Variants in GPATCH8 observed in about 807,000 individuals in gnomAD.
GPATCH8 encodes the protein G-patch domain containing 8.
Under a neutral mutation model 118.3 loss-of-function variants are expected in GPATCH8, and 18 were observed. That is an observed-to-expected ratio of 0.15 (90% confidence interval 0.11 to 0.23). GPATCH8 has a LOEUF of 0.23. Among genes scored for constraint, GPATCH8 ranks in the 10% least tolerant of loss-of-function variants. The probability of loss-of-function intolerance (pLI) is 1.00; values close to 1 mark genes in which losing one functional copy is unlikely to be tolerated. For missense variants in GPATCH8, 1,631 were observed against 1,873.8 expected, an observed-to-expected ratio of 0.87 and a Z score of 2.39; for synonymous variants, 659 against 684.7, an observed-to-expected ratio of 0.96 and a Z score of 0.59.
intron 2 of GPATCH8, chr17:44,464,814 TAAAAGGGGAAAGGG>T (rs1049113192): frequency 7.0e-6 from 3 of 431,550 alleles, no homozygotes; most frequent in African/African-American, 6.0e-5. Context: ...TTAAATGGAG[TAAAAGGGGAAAGGG>T]AAAAGGGGAA....
intron 1 of GPATCH8, among the ~76,000 whole-genome samples, chr17:44,493,552 T>G (rs898340938): frequency 6.6e-6 from 1 of 152,178 alleles, no homozygotes; most frequent in African/African-American, 2.4e-5. Context: ...TACATATACC[T>G]TGAAGAGAGG....
intron 5 of GPATCH8, among the ~76,000 whole-genome samples, chr17:44,429,135 T>A (rs1252860281): frequency 6.6e-6 from 1 of 151,114 alleles, no homozygotes; most frequent in East Asian, 1.9e-4. Context: ...AGACTCCATC[T>A]CAAAAAAAAA....
chr17:44,447,136 T>C (rs577299001), intron 3 of GPATCH8, among the ~76,000 whole-genome samples: 1 of 143,016 alleles, frequency 7.0e-6, no homozygotes. Flanking sequence ...GCACCTGGCC[T>C]CCATTTCATG....
rs375680083 is a variant in GPATCH8 at position 44,397,862 on chromosome 17, C to T, written c.4215G>A (p.Val1405=). The T allele has an allele frequency of 6.2e-7, 1 of 1,606,736 alleles. No homozygotes were observed. Among genetic ancestry groups the T allele is most frequent in the African/African-American group, 1.3e-5 (1 of 74,680 alleles). The change falls in exon 8 of 8, where the codon GTG becomes GTA. Residue 1405 remains valine (V), a synonymous_variant. Transcript: ENST00000591680. ...TCAGATGGGGCTGGGGAATATGATG[C>T]ACCTGGGCAAGTGGTTGGGGATGGG... The part of the protein sequence containing the change: ...PHPHPQPLAQ[V]HHIPQPHLTP...
At position 44,406,496 on chromosome 17, in the gene GPATCH8, TG is replaced by T. The variant is rs398030921; in HGVS notation, c.493-446del. ...CTTGAAAAGCAATGTACAGCTTACA[TG>T]GGGGGGGGGGGTTATTTAAATTAGA... is the stretch of plus-strand genomic sequence containing the variant. On this transcript the variant is annotated intron_variant, in intron 6 of 7. Transcript: ENST00000591680. 2.6e-3 allele frequency among the ~76,000 whole-genome samples: 55 copies of T among 21,072 alleles called. 6 individuals are homozygous for T. In the East Asian group the frequency reaches 0.042, roughly 16 times the overall value. 13.8% of individuals were successfully genotyped at this position (21,072 alleles called of 152,430 possible).
chr17:44,429,477 A>G (rs1392364464), intron 5 of GPATCH8, among the ~76,000 whole-genome samples: 1 of 152,168 alleles, frequency 6.6e-6, no homozygotes, highest in Non-Finnish European at 1.5e-5. Flanking sequence ...GTGTATATAT[A>G]TATACAAGAA....
In GPATCH8 at chr17:44,491,987, A is replaced by T. The variant is rs567006742; in HGVS notation, c.45+11339T>A. Among the ~76,000 whole-genome samples, 5 of 152,284 alleles carry T rather than the reference A, an allele frequency of 3.3e-5. No homozygotes were observed. The East Asian group carries it at 7.7e-4, about 23-fold the overall frequency. ...TCCTGGGGATTATTAGTGTCATTTC[A>T]CTAGTATACTTAAAATTTATTTCAA... On this transcript the variant is annotated intron_variant, in intron 1 of 7. Coordinates refer to ENST00000591680, the MANE Select transcript of GPATCH8 (RefSeq NM_001002909.4).
intron 5 of GPATCH8, among the ~76,000 whole-genome samples, chr17:44,430,374 T>C (rs1017698122): frequency 4.6e-5 from 7 of 151,692 alleles, no homozygotes; most frequent in Non-Finnish European, 1.0e-4. Context: ...AATCAATCAA[T>C]GTAATACACC....
At chr17:44,415,564 C>A (rs2049645162) in intron 6 of GPATCH8, among the ~76,000 whole-genome samples, 1 of 152,152 alleles carries the variant, frequency 6.6e-6, no homozygotes, top group Non-Finnish European at 1.5e-5. Flanking sequence ...AAGAAGATAT[C>A]TGGGGACAAA....
At position 44,400,632 on chromosome 17, in the gene GPATCH8, G is replaced by C; in HGVS notation, c.1445C>G (p.Ala482Gly). 1 of 1,613,754 alleles carries C rather than the reference G, an allele frequency of 6.2e-7. No individual in the cohort carries two copies. The highest frequency in any genetic ancestry group is 8.5e-7 in the Non-Finnish European group (1 of 1,179,704). ...TACATCCCCTCCTAAGGCCTTCTTT[G>C]CCTCAGCTTTGCTTCCTGGTTCTGA... ...EPSEPGSKAE[A>G]KKALGGDVSD... The change falls in exon 8 of 8, where the codon GCA (alanine) becomes GGA (glycine). Residue 482 changes from alanine (A) to glycine (G), a missense_variant. By Grantham distance (60) the Ala-to-Gly change is moderately conservative. Around this residue, in one of 8 missense-constraint regions of GPATCH8, gnomAD observed 405 missense variants for 462.7 expected, o/e 0.88. Transcript: ENST00000591680.
intron 3 of GPATCH8, among the ~76,000 whole-genome samples, chr17:44,457,142 T>C (rs553227816): frequency 3.2e-4 from 48 of 152,226 alleles, no homozygotes; most frequent in Non-Finnish European, 1.5e-5. Flanking sequence ...GGATTACAGG[T>C]GTGACCCACT....
chr17:44,423,764 C>T (rs185053624), intron 6 of GPATCH8, among the ~76,000 whole-genome samples: 24 of 151,532 alleles, frequency 1.6e-4, no homozygotes, highest in Non-Finnish European at 2.9e-4. Flanking sequence ...GATGGGGTGG[C>T]GGCGGGGGAG....
At chr17:44,419,348 G>C (rs1235102398) in intron 6 of GPATCH8, among the ~76,000 whole-genome samples, 3 of 152,128 alleles carry the variant, frequency 2.0e-5, no homozygotes, top group Non-Finnish European at 1.5e-5. Flanking sequence ...TGATTTTAGA[G>C]CATGAATTTG....
chr17:44,430,370 TCAATGTAATACACCACTA>T (rs557185901), intron 5 of GPATCH8, among the ~76,000 whole-genome samples: 180 of 151,968 alleles, frequency 1.2e-3, no homozygotes, highest in African/African-American at 4.1e-3. Context: ...CAAAAATCAA[TCAATGTAATACACCACTA>T]CAATGTAATA....
chr17:44,451,388 C>T (rs2051107143), intron 3 of GPATCH8, among the ~76,000 whole-genome samples: 1 of 152,064 alleles, frequency 6.6e-6, no homozygotes, highest in South Asian at 2.1e-4. Context: ...CCACCACACC[C>T]AACCCAGATC....
At chr17:44,484,555 A>G (rs4793110) in intron 1 of GPATCH8, among the ~76,000 whole-genome samples, 91,378 of 151,842 alleles carry the variant, frequency 0.6, 27,706 homozygotes, top group Middle Eastern at 0.67. Flanking sequence ...AGTAATCCCA[A>G]TGCTTTGGGA....
chr17:44,499,515 G>A (rs1456006169), intron 1 of GPATCH8, among the ~76,000 whole-genome samples: 4 of 152,126 alleles, frequency 2.6e-5, no homozygotes, highest in Non-Finnish European at 5.9e-5. Flanking sequence ...CTCGGAACAC[G>A]AATCATCAGT....
intron 6 of GPATCH8, among the ~76,000 whole-genome samples, chr17:44,407,711 C>T (rs2049284866): frequency 1.3e-5 from 2 of 149,666 alleles, no homozygotes; most frequent in South Asian, 2.1e-4. Flanking sequence ...GGCTGGAGTG[C>T]AGTGGCACAA....
rs1005939946 is a variant in GPATCH8, at chr17:44,395,620, T to C, written c.*1948A>G. 3 of 454,144 alleles carry C rather than the reference T, an allele frequency of 6.6e-6. No homozygotes were observed. The highest frequency in any genetic ancestry group is 6.9e-5 in the East Asian group (1 of 14,410). 28.1% of individuals were successfully genotyped at this position (454,144 alleles called of 1,614,324 possible). A position where few individuals can be genotyped will look rare whatever the true frequency, so the allele number is the denominator to read the frequency against. Reference sequence around the variant, plus strand: ...CCAGTGCTAGTTATCCAAGAAGTGATGCTTCTGAATCAGATGAGTACTGAA... The same window carrying C: ...CCAGTGCTAGTTATCCAAGAAGTGACGCTTCTGAATCAGATGAGTACTGAA... On this transcript the variant is annotated 3_prime_UTR_variant, in exon 8 of 8. Transcript: ENST00000591680.
Sources: allele counts gnomAD v4.1 joint callset (sites outside exome capture counted in the v4.1 genomes callset), GRCh38; gene constraint gnomAD v4.1.1; regional missense constraint gnomAD v4.1.1; transcripts MANE v1.5; gene names NCBI Gene and HGNC (gene_info 2026-07-23, HGNC 2026-07-21).